Variants in SDCCAG8 observed in about 807,000 individuals in gnomAD.
SDCCAG8 encodes serologically defined colon cancer antigen 8.
Under a neutral mutation model 101.8 loss-of-function variants are expected in SDCCAG8, and 74 were observed. The observed-to-expected ratio is 0.73, with a 90% CI of 0.60 to 0.88. The LOEUF (loss-of-function observed/expected upper bound fraction) is 0.88. Ranked by LOEUF, SDCCAG8 falls within the 40% of genes least tolerant of loss-of-function variation. SDCCAG8 has a pLI of 0.00. For synonymous variants in SDCCAG8, 281 were observed against 292.9 expected (o/e 0.96, Z 0.41); for missense variants, 787 against 822.6 (o/e 0.96, Z 0.53).
At chr1:243,268,503 G>A (rs1035128026) in intron 1 of SDCCAG8, among the ~76,000 whole-genome samples, 1 of 152,218 alleles carries the variant, frequency 6.6e-6, no homozygotes, top group Non-Finnish European at 1.5e-5. Flanking sequence ...AGAAAGATCT[G>A]TGTGGACATA....
chr1:243,288,402 G>T (rs1193654813), intron 5 of SDCCAG8, among the ~76,000 whole-genome samples: 2 of 151,890 alleles, frequency 1.3e-5, no homozygotes, highest in Non-Finnish European at 2.9e-5. Context: ...GGAGGTCAAG[G>T]CTGCAGTAAG....
intron 12 of SDCCAG8, among the ~76,000 whole-genome samples, chr1:243,374,611 C>T (rs1228490462): frequency 6.6e-6 from 1 of 152,022 alleles, no homozygotes; most frequent in African/African-American, 2.4e-5. Flanking sequence ...ATCAAGTGTA[C>T]ACATACAATA....
chr1:243,261,247 C>T (rs915242344), intron 1 of SDCCAG8, among the ~76,000 whole-genome samples: 4 of 152,078 alleles, frequency 2.6e-5, no homozygotes, highest in African/African-American at 9.7e-5. Flanking sequence ...GCAAAACACA[C>T]CCAGAGCCTG....
intron 16 of SDCCAG8, among the ~76,000 whole-genome samples, chr1:243,446,885 A>T (rs2082948113): frequency 6.6e-6 from 1 of 152,124 alleles, no homozygotes; most frequent in Non-Finnish European, 1.5e-5. Context: ...TCATGGAAGG[A>T]CTACTTTCTT....
chr1:243,437,401 C>T (rs548549369), intron 16 of SDCCAG8, among the ~76,000 whole-genome samples: 5 of 152,120 alleles, frequency 3.3e-5, no homozygotes, highest in African/African-American at 4.8e-5. Flanking sequence ...TAATAGACTA[C>T]GGTAAGAGTA....
At chr1:243,480,459 T>G (rs1260278507) in intron 16 of SDCCAG8, among the ~76,000 whole-genome samples, 1 of 28,664 alleles carries the variant, frequency 3.5e-5, no homozygotes, top group Admixed American at 4.8e-4. Flanking sequence ...GAATGGGGGA[T>G]GGATGGATGG....
intron 16 of SDCCAG8, among the ~76,000 whole-genome samples, chr1:243,459,503 G>A (rs1658591642): frequency 6.6e-6 from 1 of 151,880 alleles, no homozygotes; most frequent in Non-Finnish European, 1.5e-5. Flanking sequence ...TTACAGAAAG[G>A]CTTGGGGGGT....
At chr1:243,318,166 A>G in intron 9 of SDCCAG8, 1 of 434,530 alleles carries the variant, frequency 2.3e-6, no homozygotes, top group South Asian at 1.7e-5. Flanking sequence ...ATGGAATAGT[A>G]TGCAGCCATA....
chr1:243,307,196 C>A lies in SDCCAG8; in HGVS notation c.741-793C>A, dbSNP rs115779001. On this transcript the variant is annotated intron_variant, in intron 7 of 17. Coordinates refer to ENST00000366541, the MANE Select transcript of SDCCAG8 (RefSeq NM_006642.5). The stretch of plus-strand genomic sequence containing the variant: ...ACTAGTCAATTAATCCTTAAAAAGT[C>A]ACCTTGGAGAAAAACCTCATCCAGA... Among the ~76,000 whole-genome samples the A allele has an allele frequency of 9.6e-3, 1,457 of 151,798 alleles. 19 individuals are homozygous for A. Among genetic ancestry groups the A allele is most frequent in the Non-Finnish European group, 0.014 (947 of 67,942 alleles).
intron 1 of SDCCAG8, among the ~76,000 whole-genome samples, chr1:243,259,819 G>C (rs1455410267): frequency 6.6e-6 from 1 of 152,114 alleles, no homozygotes; most frequent in Non-Finnish European, 1.5e-5. Context: ...TGGGTAACAA[G>C]AGTGAAATCC....
chr1:243,358,934 G>A (rs1342326313), intron 12 of SDCCAG8, among the ~76,000 whole-genome samples: 1 of 152,216 alleles, frequency 6.6e-6, no homozygotes, highest in Non-Finnish European at 1.5e-5. Flanking sequence ...AGAAAGATTA[G>A]TGATTGTCCA....
intron 15 of SDCCAG8, among the ~76,000 whole-genome samples, chr1:243,421,293 C>G (rs1378958216): frequency 6.6e-6 from 1 of 152,156 alleles, no homozygotes; most frequent in Non-Finnish European, 1.5e-5. Context: ...AGATTTTAAA[C>G]TCACAGATCT....
At chr1:243,350,404 G>T (rs1376815549) in intron 12 of SDCCAG8, among the ~76,000 whole-genome samples, 1 of 151,962 alleles carries the variant, frequency 6.6e-6, no homozygotes, top group Non-Finnish European at 1.5e-5. Context: ...TTTTAGTAGG[G>T]ACAGGGTTTT....
intron 9 of SDCCAG8, among the ~76,000 whole-genome samples, chr1:243,325,675 C>G (rs1404961287): frequency 1.3e-5 from 2 of 152,160 alleles, no homozygotes; most frequent in African/African-American, 4.8e-5. Context: ...ACTCCCTACT[C>G]TCACCACTTT....
At position 243,448,094 on chromosome 1, in the gene SDCCAG8, C is replaced by T. The variant is rs577978104; in HGVS notation, c.1985+21536C>T. ...TAACTCATGGGTTGGGAGAGCTGCTCATGGCTGTAGCTGCTGCAGGCACCC... is the reference window on the plus strand; with the variant it reads ...TAACTCATGGGTTGGGAGAGCTGCTTATGGCTGTAGCTGCTGCAGGCACCC... On this transcript the variant is annotated intron_variant, in intron 16 of 17. Coordinates refer to ENST00000366541, the MANE Select transcript of SDCCAG8 (RefSeq NM_006642.5). 3.9e-5 allele frequency among the ~76,000 whole-genome samples: 6 copies of T among 152,274 alleles called. No individual in the cohort carries two copies. In the East Asian group the frequency reaches 1.2e-3, roughly 29 times the overall value.
At chr1:243,331,858 T>G (rs2074619893) in intron 10 of SDCCAG8, among the ~76,000 whole-genome samples, 1 of 148,388 alleles carries the variant, frequency 6.7e-6, no homozygotes, top group East Asian at 2.0e-4. Flanking sequence ...AGTTTCCTCA[T>G]GAAGCTTACA....
At chr1:243,356,530 T>C (rs962384057) in intron 12 of SDCCAG8, among the ~76,000 whole-genome samples, 11 of 152,082 alleles carry the variant, frequency 7.2e-5, no homozygotes, top group African/African-American at 2.4e-4. Flanking sequence ...CTGTTTATAC[T>C]GTTTCACCTT....
chr1:243,259,371 C>A (rs2067017175), intron 1 of SDCCAG8, among the ~76,000 whole-genome samples: 1 of 151,984 alleles, frequency 6.6e-6, no homozygotes, highest in Admixed American at 6.6e-5. Flanking sequence ...CGCGCCACTG[C>A]ACTCCAGCCT....
At chr1:243,433,120 A>G (rs2081904678) in intron 16 of SDCCAG8, among the ~76,000 whole-genome samples, 1 of 152,146 alleles carries the variant, frequency 6.6e-6, no homozygotes. Flanking sequence ...GAGCTGATAA[A>G]TGCAGGCTTA....
Sources: gnomAD v4.1 joint callset for allele counts (sites outside exome capture counted in the v4.1 genomes callset) on GRCh38, gnomAD v4.1.1 for gene constraint, MANE v1.5 for transcripts, NCBI Gene and HGNC (gene_info 2026-07-23, HGNC 2026-07-21) for gene names.